The following TBC1D5 variants were observed in gnomAD, a reference collection of about 807,000 sequenced individuals.
TBC1D5 encodes the protein TBC1 domain family, member 5.
A neutral mutation model predicts 100.3 loss-of-function variants in TBC1D5; 75 were observed. That is an observed-to-expected ratio of 0.75 (90% confidence interval 0.62 to 0.91). The LOEUF (loss-of-function observed/expected upper bound fraction) is 0.91, where lower values mean the gene tolerates loss of function less well. Among genes scored for constraint, TBC1D5 ranks in the 40% least tolerant of loss-of-function variants. The probability of loss-of-function intolerance (pLI) is 0.00; values close to 1 mark genes in which losing one functional copy is unlikely to be tolerated. For synonymous variants in TBC1D5, 323 were observed against 325.6 expected (o/e 0.99, Z 0.09); for missense variants, 910 against 942.4 (o/e 0.97, Z 0.45).
chr3:17,285,944 T>C (rs533864871), intron 15 of TBC1D5, among the ~76,000 whole-genome samples: 1 of 152,342 alleles, frequency 6.6e-6, no homozygotes, highest in East Asian at 1.9e-4. Flanking sequence ...TGAAATTAAA[T>C]TCTTATTTCT....
At chr3:17,256,815 G>T (rs2077737161) in intron 16 of TBC1D5, among the ~76,000 whole-genome samples, 1 of 152,124 alleles carries the variant, frequency 6.6e-6, no homozygotes. Context: ...GAGTGAATAG[G>T]GGAGGTGAAG....
chr3:17,484,560 G>A (rs1427006343), intron 3 of TBC1D5, among the ~76,000 whole-genome samples: 1 of 150,498 alleles, frequency 6.6e-6, no homozygotes, highest in Admixed American at 6.6e-5. Flanking sequence ...ACACCAGGGT[G>A]TGTGTGTGTG....
chr3:17,454,158 A>T (rs2094994452), intron 3 of TBC1D5, among the ~76,000 whole-genome samples: 1 of 152,208 alleles, frequency 6.6e-6, no homozygotes, highest in Non-Finnish European at 1.5e-5. Context: ...ACCCACAGCC[A>T]GTATCATACT....
chr3:17,576,255 A>G (rs542739257), intron 2 of TBC1D5, among the ~76,000 whole-genome samples: 1 of 152,198 alleles, frequency 6.6e-6, no homozygotes, highest in East Asian at 1.9e-4. Flanking sequence ...GGGGGTTGAG[A>G]GGTGATGGAG....
chr3:17,204,027 G>C (rs1365366935), intron 18 of TBC1D5, among the ~76,000 whole-genome samples: 1 of 152,216 alleles, frequency 6.6e-6, no homozygotes, highest in Non-Finnish European at 1.5e-5. Flanking sequence ...AACAGGCCTA[G>C]AATTTCTATG....
chr3:17,728,807 T>C (rs1249311036), intron 1 of TBC1D5, among the ~76,000 whole-genome samples: 1 of 152,060 alleles, frequency 6.6e-6, no homozygotes, highest in African/African-American at 2.4e-5. Flanking sequence ...AGTTTTATAA[T>C]TTTGGAATAG....
At chr3:17,725,347 G>A (rs1407809493) in intron 1 of TBC1D5, among the ~76,000 whole-genome samples, 1 of 152,012 alleles carries the variant, frequency 6.6e-6, no homozygotes, top group Non-Finnish European at 1.5e-5. Context: ...AAATCCAAGA[G>A]AGAGAAGGCC....
chr3:17,381,504 C>G (rs2092944163), intron 9 of TBC1D5, among the ~76,000 whole-genome samples: 1 of 151,984 alleles, frequency 6.6e-6, no homozygotes, highest in African/African-American at 2.4e-5. Context: ...AAAACAAAAT[C>G]CTGGAATCTG....
intron 14 of TBC1D5, among the ~76,000 whole-genome samples, chr3:17,295,279 C>A (rs2082133201): frequency 6.6e-6 from 1 of 152,168 alleles, no homozygotes; most frequent in Non-Finnish European, 1.5e-5. Context: ...AGGCAAGCTG[C>A]CCAACTTCAC....
chr3:17,225,842 T>TCAA (rs956108380), intron 17 of TBC1D5, among the ~76,000 whole-genome samples: 3 of 152,132 alleles, frequency 2.0e-5, no homozygotes, highest in Admixed American at 6.6e-5. Flanking sequence ...GGACCCTGTC[T>TCAA]CAACAACAAC....
intron 15 of TBC1D5, among the ~76,000 whole-genome samples, chr3:17,276,414 T>A (rs976641284): frequency 6.6e-6 from 1 of 152,092 alleles, no homozygotes; most frequent in Non-Finnish European, 1.5e-5. Flanking sequence ...GTGAATGGGA[T>A]CAACATGGGG....
chr3:17,311,971 TA>T (rs2084079304), intron 13 of TBC1D5, among the ~76,000 whole-genome samples: 1 of 152,136 alleles, frequency 6.6e-6, no homozygotes, highest in South Asian at 2.1e-4. Context: ...TGTTATGGGA[TA>T]AACACAGAAT....
In TBC1D5 at chr3:17,673,311, C is replaced by CTTTTTTTTTTTT. The variant is rs374496313; in HGVS notation, c.-100-49410_-100-49399dup. Among the ~76,000 whole-genome samples, 33 of 125,950 alleles carry CTTTTTTTTTTTT rather than the reference C, an allele frequency of 2.6e-4. 1 individual carries two copies. Among genetic ancestry groups the CTTTTTTTTTTTT allele is most frequent in the East Asian group, 4.7e-4 (2 of 4,296 alleles). 82.6% of individuals were successfully genotyped at this position (125,950 alleles called of 152,430 possible). A position where few individuals can be genotyped will look rare whatever the true frequency, so the allele number is the denominator to read the frequency against. On this transcript the variant is annotated intron_variant, in intron 1 of 21. Coordinates refer to ENST00000253692, the Ensembl canonical transcript of TBC1D5. The stretch of plus-strand genomic sequence containing the variant: ...TATTTTCTGTACTTTCTTTTCTTTT[C>CTTTTTTTTTTTT]TTTTTTTTTTTTTTTTTGAGACAGG...
At chr3:17,492,767 C>T (rs111615434) in intron 3 of TBC1D5, among the ~76,000 whole-genome samples, 12,178 of 152,176 alleles carry the variant, frequency 0.08, 1,010 homozygotes, top group African/African-American at 0.22. Context: ...GCTTCAGCTG[C>T]GTCCCAGAGA....
At chr3:17,693,463 C>T (rs1017861988) in intron 1 of TBC1D5, among the ~76,000 whole-genome samples, 6 of 152,208 alleles carry the variant, frequency 3.9e-5, no homozygotes, top group African/African-American at 1.4e-4. Context: ...CCCACACCCA[C>T]GGAGCCTTGC....
intron 13 of TBC1D5, among the ~76,000 whole-genome samples, chr3:17,347,281 A>T (rs2090018959): frequency 6.6e-6 from 1 of 152,160 alleles, no homozygotes; most frequent in South Asian, 2.1e-4. Flanking sequence ...AGGGCATCTG[A>T]TATCAAGCAC....
At chr3:17,696,019 A>C (rs2072006779) in intron 1 of TBC1D5, among the ~76,000 whole-genome samples, 1 of 152,192 alleles carries the variant, frequency 6.6e-6, no homozygotes, top group Admixed American at 6.5e-5. Context: ...TATCGAAATG[A>C]AGGCTGAAAT....
chr3:17,507,244 T>C (rs1216635828), intron 3 of TBC1D5, among the ~76,000 whole-genome samples: 1 of 152,154 alleles, frequency 6.6e-6, no homozygotes, highest in African/African-American at 2.4e-5. Context: ...CTAGAAAAGG[T>C]GTCATGCCTA....
chr3:17,391,096 A>G (rs530708729), intron 8 of TBC1D5, among the ~76,000 whole-genome samples: 1 of 152,274 alleles, frequency 6.6e-6, no homozygotes, highest in South Asian at 2.1e-4. Flanking sequence ...GACGGAATGA[A>G]AAAGAACATG....
Sources: allele counts gnomAD v4.1 joint callset (sites outside exome capture counted in the v4.1 genomes callset), GRCh38; gene constraint gnomAD v4.1.1; transcripts MANE v1.5; gene names NCBI Gene and HGNC (gene_info 2026-07-23, HGNC 2026-07-21).